CROCC2: variants seen among roughly 807,000 people sequenced by gnomAD.
CROCC2 encodes ciliary rootlet coiled-coil protein 2.
CROCC2 carries 163 observed loss-of-function variants against 177.6 expected under a neutral mutation model. That is an observed-to-expected ratio of 0.92 (90% CI 0.81 to 1.05). CROCC2 has a LOEUF of 1.05. CROCC2 is among the 50% of genes least tolerant of loss of function. The probability of loss-of-function intolerance (pLI) is 0.00; values close to 1 mark genes in which losing one functional copy is unlikely to be tolerated. For missense variants in CROCC2, 1,929 were observed against 1,797.8 expected, an observed-to-expected ratio of 1.07 and a Z score of -1.32; for synonymous variants, 904 against 787.3, an observed-to-expected ratio of 1.15 and a Z score of -2.48.
chr2:240,985,690 A>G (rs2059835667), intron 28 of CROCC2, among the ~76,000 whole-genome samples: 2 of 87,038 alleles, frequency 2.3e-5, no homozygotes, highest in Non-Finnish European at 4.3e-5. Flanking sequence ...CTCCACACAC[A>G]CCCAGGCACT....
At chr2:240,984,401 G>A (rs1284955650) in intron 28 of CROCC2, among the ~76,000 whole-genome samples, 1 of 151,962 alleles carries the variant, frequency 6.6e-6, no homozygotes. Flanking sequence ...GGCATTCCAG[G>A]AAGCAGGCAG....
rs1271042778 is a variant in CROCC2 at position 240,958,095 on chromosome 2, C to T, written c.2944-1206C>T. The T allele has an allele frequency of 3.0e-6, 3 of 985,282 alleles. No homozygotes were observed. The highest frequency in any genetic ancestry group is 1.1e-4 in the East Asian group (1 of 8,810). 61.0% of individuals were successfully genotyped at this position (985,282 alleles called of 1,614,324 possible). On this transcript the variant is annotated intron_variant, in intron 19 of 31. Transcript: ENST00000690015. The surrounding 1 kb of genome is among the most constrained non-coding windows in gnomAD (Gnocchi z 6.7). ...CTCGTTAAGGGTTCCTTTGCCACCT[C>T]GGCTCAGAAAATGGAAATTAAAACT...
rs2059664290 is a variant in CROCC2 at position 240,964,550 on chromosome 2, A to C, written c.3390A>C (p.Ala1130=). The change falls in exon 22 of 32, where the codon GCA becomes GCC. Residue 1130 remains alanine (A), a synonymous_variant. Transcript: ENST00000690015. ...CGGCGTTGCAGCAGGAGGCCAGTGC[A>C]CTGCGGGCCCACCTGTGGGAGCTGG... ...AQAALQQEAS[A]LRAHLWELEQ... 1 of 1,549,426 alleles carries C rather than the reference A, an allele frequency of 6.5e-7. No individual in the cohort carries two copies. Among genetic ancestry groups the C allele is most frequent in the Non-Finnish European group, 8.7e-7 (1 of 1,146,848 alleles).
At chr2:240,964,690 T>G (rs1188757484) in intron 22 of CROCC2, 65 bp downstream of exon 22, 2 of 1,490,990 alleles carry the variant, frequency 1.3e-6, no homozygotes, top group African/African-American at 2.8e-5. Context: ...TCCCGGCTCC[T>G]CCCAGGGGAG....
At chr2:240,925,160 T>C (rs2059387614) in intron 4 of CROCC2, among the ~76,000 whole-genome samples, 1 of 152,200 alleles carries the variant, frequency 6.6e-6, no homozygotes, top group South Asian at 2.1e-4. Context: ...TGAGAAACTT[T>C]TGAAAACCAG....
Position 240,948,266 on chromosome 2 carries a change from C to T in CROCC2, c.2364-713C>T, listed in dbSNP as rs182811866. Among the ~76,000 whole-genome samples, 83 of 152,140 alleles carry T rather than the reference C, an allele frequency of 5.5e-4. 2 individuals are homozygous for T. In the South Asian group the frequency reaches 0.015, roughly 27 times the overall value. On this transcript the variant is annotated intron_variant, in intron 15 of 31. Coordinates refer to ENST00000690015, the MANE Select transcript of CROCC2 (RefSeq NM_001351305.2). The stretch of plus-strand genomic sequence containing the variant: ...GAGGACTTCCCTCTGCGAGCCCTGG[C>T]GAGCCCCAGAAGGCTTGGATGTGCT...
At chr2:240,961,052 T>G (rs1574779459) in intron 20 of CROCC2, among the ~76,000 whole-genome samples, 14 of 145,810 alleles carry the variant, frequency 9.6e-5, no homozygotes, top group African/African-American at 1.8e-4. Context: ...AGAAAGGGAG[T>G]GGGGGCTAAA....
Position 240,982,744 on chromosome 2 carries a change from C to T in CROCC2, c.4402-136C>T. On this transcript the variant is annotated intron_variant, in intron 27 of 31. Transcript: ENST00000690015. The surrounding 1 kb of genome is among the most constrained non-coding windows in gnomAD (Gnocchi z 4.7). Reference sequence around the variant, plus strand: ...TCAACGCACTTCAGGTTGTCCTTAACCACGTTCTTGCTGTTTTCATCCCAG... The same window carrying T: ...TCAACGCACTTCAGGTTGTCCTTAATCACGTTCTTGCTGTTTTCATCCCAG... The T allele has an allele frequency of 1.4e-6, 1 of 719,082 alleles. No individual in the cohort carries two copies. Among genetic ancestry groups the T allele is most frequent in the South Asian group, 2.0e-5 (1 of 50,800 alleles). 44.5% of individuals were successfully genotyped at this position (719,082 alleles called of 1,614,324 possible).
At chr2:240,979,884 A>C (rs1208528747) in intron 27 of CROCC2, among the ~76,000 whole-genome samples, 11 of 18,824 alleles carry the variant, frequency 5.8e-4, no homozygotes, top group African/African-American at 1.8e-3. Context: ...ATCCCTGCTC[A>C]GTCTCTGGGG....
intron 1 of CROCC2, among the ~76,000 whole-genome samples, chr2:240,913,489 G>A (rs2059300690): frequency 6.6e-6 from 1 of 152,238 alleles, no homozygotes; most frequent in Non-Finnish European, 1.5e-5. Context: ...AGTCTTCTGA[G>A]CAGGAGCAGT....
chr2:240,983,009 TCGCTGGAGCCCCTG>T lies in CROCC2; in HGVS notation c.4534_4547del (p.Leu1512ThrfsTer19). 6.5e-7 allele frequency: 1 copy of T among 1,550,376 alleles called. No homozygotes were observed. Among genetic ancestry groups the T allele is most frequent in the Non-Finnish European group, 8.7e-7 (1 of 1,146,944 alleles). On this transcript the variant is annotated frameshift_variant, in exon 28 of 32. Coordinates refer to ENST00000690015, the MANE Select transcript of CROCC2 (RefSeq NM_001351305.2). LOFTEE classifies it high-confidence loss of function. Reference sequence around the variant, plus strand: ...GCACAGGTGCCAGAAGGCTGAGGTATCGCTGGAGCCCCTGCGACAGGTGAGGGTGACCAGGAGGG... The same window carrying T: ...GCACAGGTGCCAGAAGGCTGAGGTATCGACAGGTGAGGGTGACCAGGAGGG...
rs1200003111 is a variant in CROCC2 at position 240,930,197 on chromosome 2, ACCT to A, written c.687_689del (p.Leu230del). On this transcript the variant is annotated inframe_deletion, in exon 6 of 32. Transcript: ENST00000690015. ...TCAGGGGGCCTGGGGCAGCCCCGGG[ACCT>A]CCTCCTCCTGTGGAGACAGGCCGTG... 9 of 581,378 alleles carry A rather than the reference ACCT, an allele frequency of 1.5e-5. No individual in the cohort carries two copies. Among genetic ancestry groups the A allele is most frequent in the South Asian group, 1.1e-4 (5 of 44,328 alleles). 36.0% of individuals were successfully genotyped at this position (581,378 alleles called of 1,614,324 possible).
Position 240,949,504 on chromosome 2 carries a change from C to A in CROCC2, c.2483-29C>A. On this transcript the variant is annotated intron_variant, in intron 16 of 31. Transcript: ENST00000690015. The surrounding 1 kb of genome is among the most constrained non-coding windows in gnomAD (Gnocchi z 4.5). ...GGGTTCAGGGGTCCACATGCCAGGC[C>A]CTGGTGCATCTCACCCATCACCCCA... The A allele has an allele frequency of 6.5e-7, 1 of 1,547,620 alleles. No individual in the cohort carries two copies. The highest frequency in any genetic ancestry group is 8.7e-7 in the Non-Finnish European group (1 of 1,144,590).
chr2:240,991,720 G>A (rs115441926), intron 31 of CROCC2, among the ~76,000 whole-genome samples: 2,978 of 152,292 alleles, frequency 0.02, 96 homozygotes, highest in African/African-American at 0.068. Flanking sequence ...CTGGCACTCC[G>A]TTTCTGCTTT....
Position 240,963,867 on chromosome 2 carries a change from C to T in CROCC2, c.3305+94C>T, listed in dbSNP as rs2059659308. On this transcript the variant is annotated intron_variant, in intron 21 of 31. Coordinates refer to ENST00000690015, the MANE Select transcript of CROCC2 (RefSeq NM_001351305.2). Reference sequence around the variant, plus strand: ...ATGGGGCAAGGGGGCTAGGCAGGGGCGTCCTGTTGACTTGGGCCCCACTGA... The same window carrying T: ...ATGGGGCAAGGGGGCTAGGCAGGGGTGTCCTGTTGACTTGGGCCCCACTGA... 3.3e-5 allele frequency: 44 copies of T among 1,339,280 alleles called. No individual in the cohort carries two copies. The South Asian group carries it at 5.4e-4, about 16-fold the overall frequency. 83.0% of individuals were successfully genotyped at this position (1,339,280 alleles called of 1,614,324 possible).
Position 240,959,306 on chromosome 2 carries a change from C to T in CROCC2, c.2949C>T (p.Thr983=). 1 of 1,550,374 alleles carries T rather than the reference C, an allele frequency of 6.5e-7. No individual in the cohort carries two copies. The highest frequency in any genetic ancestry group is 8.7e-7 in the Non-Finnish European group (1 of 1,146,870). The part of the protein sequence containing the change: ...AQSQQEQAQA[T]ISATTEELKA... ...GGGCTCCCTTCTCCCCGCAGGCCAC[C>T]ATCAGTGCCACGACTGAGGAGCTGA... Residue 983 remains threonine, a synonymous_variant, in exon 20 of 32, where the codon ACC becomes ACT. Coordinates refer to ENST00000690015, the MANE Select transcript of CROCC2 (RefSeq NM_001351305.2).
chr2:240,951,235 C>T (rs1409123632), intron 18 of CROCC2, among the ~76,000 whole-genome samples: 2 of 151,934 alleles, frequency 1.3e-5, no homozygotes, highest in Admixed American at 1.3e-4. Flanking sequence ...ATTCACCCAT[C>T]CATCCATCTG....
chr2:240,969,611 C>T (rs1284079977), intron 27 of CROCC2, among the ~76,000 whole-genome samples: 2 of 152,202 alleles, frequency 1.3e-5, no homozygotes, highest in African/African-American at 2.4e-5. Flanking sequence ...GTCAGGGGAC[C>T]TGGAGCGGGC....
chr2:240,993,025 G>A (rs931774922), intron 31 of CROCC2, 41 bp from the exon 32 acceptor site: 38 of 714,924 alleles, frequency 5.3e-5, no homozygotes, highest in Middle Eastern at 2.4e-4. Flanking sequence ...ATGTGTCCCC[G>A]GGAATGCGGT....
Sources: gnomAD v4.1 joint callset for allele counts (sites outside exome capture counted in the v4.1 genomes callset) on GRCh38, gnomAD v4.1.1 for gene constraint, Gnocchi (gnomAD v3.1) non-coding constraint, MANE v1.5 for transcripts, NCBI Gene and HGNC (gene_info 2026-07-23, HGNC 2026-07-21) for gene names.